The following ARVCF variants were observed in gnomAD, a reference collection of about 807,000 sequenced individuals.
ARVCF encodes splicing regulator ARVCF.
Under a neutral mutation model 90.9 loss-of-function variants are expected in ARVCF, and 66 were observed. That is an observed-to-expected ratio of 0.73 (90% confidence interval 0.60 to 0.89). ARVCF has a LOEUF of 0.89. Among genes scored for constraint, ARVCF ranks in the 40% least tolerant of loss-of-function variants. The probability of loss-of-function intolerance (pLI) is 0.00; values close to 1 mark genes in which losing one functional copy is unlikely to be tolerated. For missense variants in ARVCF, 1,469 were observed against 1,382.3 expected, an observed-to-expected ratio of 1.06 and a Z score of -1.00; for synonymous variants, 653 against 603.4, an observed-to-expected ratio of 1.08 and a Z score of -1.21.
At chr22:19,994,870 T>C (rs1601646918) in intron 2 of ARVCF, among the ~76,000 whole-genome samples, 1 of 121,872 alleles carries the variant, frequency 8.2e-6, no homozygotes, top group South Asian at 2.7e-4. Flanking sequence ...AACAGACGCA[T>C]AGATGGGATG....
chr22:19,973,007 G>A lies in ARVCF; in HGVS notation c.2468C>T (p.Ser823Leu), dbSNP rs756681144. Residue 823 changes from serine (S) to leucine (L), a missense_variant, in exon 15 of 20, where the codon TCA (serine) becomes TTA (leucine). By Grantham distance (145) the Ser-to-Leu change is moderately radical. Transcript: ENST00000263207. ...SQSVREAKAA[S>L]HVLQTVWSYK... ...GCTCCACACTGTCTGCAGCACGTGT[G>A]ACGCCGCCTTCGCTTCGCGTACCGA... 3.2e-5 allele frequency: 51 copies of A among 1,613,382 alleles called. No homozygotes were observed. The highest frequency in any genetic ancestry group is 4.2e-5 in the Non-Finnish European group (49 of 1,180,026).
intron 2 of ARVCF, among the ~76,000 whole-genome samples, chr22:20,006,153 TA>T (rs922911221): frequency 6.6e-6 from 1 of 151,712 alleles, no homozygotes; most frequent in East Asian, 1.9e-4. Flanking sequence ...TTTGCAAGAA[TA>T]AAAAAAAGTT....
In ARVCF at chr22:19,977,474, A is replaced by C; in HGVS notation, c.1811T>G (p.Val604Gly). The C allele has an allele frequency of 1.3e-6, 2 of 1,586,420 alleles. No individual in the cohort carries two copies. Among genetic ancestry groups the C allele is most frequent in the Non-Finnish European group, 1.7e-6 (2 of 1,166,870 alleles). Residue 604 changes from valine (V) to glycine (G), a missense_variant, in exon 9 of 20, where the codon GTA (valine) becomes GGA (glycine). Physicochemically the swap from Val to Gly is moderately radical, Grantham distance 109. Transcript: ENST00000263207. ...ATCCCGCCTCCGGCGCTGGGAGCCT[A>C]CAGCACTGCCCAGGGGCCCGGGCTC... ...EAEPGPLGSA[V>G]GSQRRRRDDA...
At chr22:20,009,445 G>T (rs984400634) in intron 2 of ARVCF, among the ~76,000 whole-genome samples, 2 of 152,208 alleles carry the variant, frequency 1.3e-5, no homozygotes, top group African/African-American at 4.8e-5. Context: ...CTACCACTTA[G>T]GCACAGCACT....
chr22:19,996,691 C>T (rs1196079076), intron 2 of ARVCF, among the ~76,000 whole-genome samples: 8 of 152,234 alleles, frequency 5.3e-5, no homozygotes, highest in Admixed American at 5.2e-4. Context: ...AAGCACGCGC[C>T]GCTGGCATAA....
At chr22:19,987,193 ACTCG>A in intron 3 of ARVCF, 1 of 399,882 alleles carries the variant, frequency 2.5e-6, no homozygotes, top group Non-Finnish European at 4.4e-6. Flanking sequence ...GGCTCGGCGG[ACTCG>A]CTCCCCGCGG....
At chr22:19,976,010 G>A (rs1461855656) in intron 10 of ARVCF, among the ~76,000 whole-genome samples, 1 of 152,080 alleles carries the variant, frequency 6.6e-6, no homozygotes, top group Non-Finnish European at 1.5e-5. Flanking sequence ...CAGGTGCTGG[G>A]AGCTGTACCA....
chr22:19,994,296 TTATAGA>T (rs1206809028), intron 2 of ARVCF, among the ~76,000 whole-genome samples: 2 of 144,142 alleles, frequency 1.4e-5, no homozygotes, highest in Non-Finnish European at 3.0e-5. Context: ...AAGGATGAAC[TTATAGA>T]TGAATGAATG....
rs555754567 is a variant in ARVCF at position 19,979,664 on chromosome 22, G to A, written c.1396+79C>T. The A allele has an allele frequency of 2.3e-5, 34 of 1,478,374 alleles. No homozygotes were observed. In the African/African-American group the frequency reaches 2.8e-4, roughly 12 times the overall value. 91.6% of individuals were successfully genotyped at this position (1,478,374 alleles called of 1,614,324 possible). ...GTGCTTTCCCAGGCGGTCGCAGGCC[G>A]AGTGGCCTCGTTCCTCCCGGGTTGA... On this transcript the variant is annotated intron_variant, in intron 6 of 19. Coordinates refer to ENST00000263207, the MANE Select transcript of ARVCF (RefSeq NM_001670.3).
At chr22:19,995,560 A>G (rs1237148087) in intron 2 of ARVCF, among the ~76,000 whole-genome samples, 1 of 152,142 alleles carries the variant, frequency 6.6e-6, no homozygotes, top group Non-Finnish European at 1.5e-5. Context: ...TTTCCCTGAA[A>G]CCAAAGCTGA....
At chr22:19,976,615 G>A (rs1943167025) in intron 10 of ARVCF, 91 bp downstream of exon 10, 16 of 1,489,442 alleles carry the variant, frequency 1.1e-5, no homozygotes, top group Non-Finnish European at 1.5e-5. Flanking sequence ...GCCAGGGGTG[G>A]GGCAGGGCCC....
intron 2 of ARVCF, among the ~76,000 whole-genome samples, chr22:19,994,922 ATGG>A (rs1172607516): frequency 1.4e-5 from 2 of 146,456 alleles, no homozygotes; most frequent in African/African-American, 5.1e-5. Context: ...ATGGGGGGGG[ATGG>A]TGGAGGATGG....
At chr22:20,012,881 G>A (rs1214120175) in intron 1 of ARVCF, among the ~76,000 whole-genome samples, 2 of 152,278 alleles carry the variant, frequency 1.3e-5, no homozygotes, top group East Asian at 3.8e-4. Flanking sequence ...ACGGCACAGG[G>A]CAGCTCCCAT....
intron 2 of ARVCF, among the ~76,000 whole-genome samples, chr22:20,010,215 A>G (rs1944776328): frequency 6.6e-6 from 1 of 152,242 alleles, no homozygotes; most frequent in Middle Eastern, 3.2e-3. Context: ...CTAAAGCCAG[A>G]CATCAAACCA....
intron 3 of ARVCF, among the ~76,000 whole-genome samples, chr22:19,984,500 C>T (rs533867499): frequency 1.3e-5 from 2 of 152,298 alleles, no homozygotes; most frequent in South Asian, 4.1e-4. Flanking sequence ...TGACTTCACC[C>T]GGGTGGCAGG....
At chr22:19,979,188 G>T in intron 6 of ARVCF, 108 bp from the exon 7 acceptor site, 2 of 1,231,340 alleles carry the variant, frequency 1.6e-6, no homozygotes, top group Non-Finnish European at 2.3e-6. Flanking sequence ...CCCAGCTCAT[G>T]CAGAACAGTA....
chr22:19,983,531 G>A (rs1409987177), intron 3 of ARVCF: 1 of 152,358 alleles, frequency 6.6e-6, no homozygotes, highest in African/African-American at 2.4e-5. Flanking sequence ...AACATGTTAG[G>A]ACAGGTGTAT....
chr22:19,982,015 A>C lies in ARVCF; in HGVS notation c.287T>G (p.Val96Gly). The C allele has an allele frequency of 6.2e-7, 1 of 1,612,616 alleles. No homozygotes were observed. The highest frequency in any genetic ancestry group is 8.5e-7 in the Non-Finnish European group (1 of 1,179,840). The change falls in exon 4 of 20, where the codon GTG (valine) becomes GGG (glycine). Residue 96 changes from valine to glycine, a missense_variant. Physicochemically the swap from Val to Gly is moderately radical, Grantham distance 109. Transcript: ENST00000263207. ...AGTGGGTGTGCCGGGGTCCTCCTCC[A>C]CCGTCACGGTCTCCTCCAGCACATC... is the stretch of plus-strand genomic sequence containing the variant. Reference protein sequence around the residue: ...APDVLEETVTVEEDPGTPTSH... With the variant: ...APDVLEETVTGEEDPGTPTSH...
chr22:19,978,167 T>G, intron 7 of ARVCF, 92 bp from the exon 8 acceptor site: 1 of 1,135,340 alleles, frequency 8.8e-7, no homozygotes, highest in Non-Finnish European at 1.2e-6. Flanking sequence ...ATCTGCAAAA[T>G]AGGCCCTGCT....
Sources: gnomAD v4.1 joint callset for allele counts (sites outside exome capture counted in the v4.1 genomes callset) on GRCh38, gnomAD v4.1.1 for gene constraint, MANE v1.5 for transcripts, NCBI Gene and HGNC (gene_info 2026-07-23, HGNC 2026-07-21) for gene names.